The following SMARCC1 variants were observed in gnomAD, a reference collection of about 807,000 sequenced individuals.
SMARCC1 encodes the protein SWI/SNF related BAF chromatin remodeling complex subunit C1.
SMARCC1 carries 43 observed loss-of-function variants against 147.4 expected under a neutral mutation model. The ratio of observed to expected loss-of-function variants is 0.29; its 90% CI spans 0.23 to 0.38. The LOEUF (loss-of-function observed/expected upper bound fraction) is 0.38. SMARCC1 is among the 10% of genes least tolerant of loss of function. The pLI, the probability that SMARCC1 is intolerant of heterozygous loss-of-function variation, is 1.00. For synonymous variants in SMARCC1, 495 were observed against 484.4 expected, an observed-to-expected ratio of 1.02 and a Z score of -0.29; for missense variants, 1,119 against 1,381.1, an observed-to-expected ratio of 0.81 and a Z score of 3.01.
chr3:47,702,417 G>C (rs952121908), intron 10 of SMARCC1, among the ~76,000 whole-genome samples: 1 of 152,108 alleles, frequency 6.6e-6, no homozygotes, highest in African/African-American at 2.4e-5. Flanking sequence ...TGTAAGGACT[G>C]AAGGTCAGAG....
At chr3:47,705,972 AC>A (rs1291770181) in intron 10 of SMARCC1, among the ~76,000 whole-genome samples, 1 of 152,150 alleles carries the variant, frequency 6.6e-6, no homozygotes, top group Non-Finnish European at 1.5e-5. Flanking sequence ...GTAGCCCTGA[AC>A]CAGGCGTTGT....
intron 13 of SMARCC1, among the ~76,000 whole-genome samples, chr3:47,687,255 T>C (rs1337473396): frequency 6.6e-6 from 1 of 152,224 alleles, no homozygotes; most frequent in Non-Finnish European, 1.5e-5. Context: ...ACAAATTTTA[T>C]TTCCCAAATC....
intron 6 of SMARCC1, among the ~76,000 whole-genome samples, chr3:47,723,571 T>C (rs576670709): frequency 6.6e-6 from 1 of 152,092 alleles, no homozygotes; most frequent in African/African-American, 2.4e-5. Flanking sequence ...CCCAGCACTT[T>C]GGGAGGTCAA....
At chr3:47,696,152 C>T (rs201842157) in intron 11 of SMARCC1, among the ~76,000 whole-genome samples, 3 of 151,340 alleles carry the variant, frequency 2.0e-5, no homozygotes, top group Non-Finnish European at 2.9e-5. Flanking sequence ...GGGTGGATCA[C>T]CTGAGATCAG....
At chr3:47,730,921 T>C (rs1162436417) in intron 5 of SMARCC1, among the ~76,000 whole-genome samples, 1 of 152,108 alleles carries the variant, frequency 6.6e-6, no homozygotes, top group African/African-American at 2.4e-5. Context: ...ATCAGTCTTC[T>C]TGCTGCTGGA....
chr3:47,648,036 C>T (rs935508436), intron 21 of SMARCC1, among the ~76,000 whole-genome samples: 1 of 152,138 alleles, frequency 6.6e-6, no homozygotes, highest in African/African-American at 2.4e-5. Context: ...ACTCTGTTGC[C>T]CAGGCTGGAA....
At chr3:47,622,454 A>AGATT in intron 24 of SMARCC1, 113 bp from the exon 25 acceptor site, 1 of 980,532 alleles carries the variant, frequency 1.0e-6, no homozygotes, top group South Asian at 1.4e-5. Flanking sequence ...GGTACCCTAT[A>AGATT]TGTCTCCTTT....
At chr3:47,628,246 C>A (rs968005089) in intron 24 of SMARCC1, among the ~76,000 whole-genome samples, 3 of 152,136 alleles carry the variant, frequency 2.0e-5, no homozygotes, top group African/African-American at 7.2e-5. Context: ...TCAGGAATAA[C>A]TGCCTTTGCT....
Position 47,638,755 on chromosome 3 carries a change from T to C in SMARCC1, c.2346A>G (p.Glu782=), listed in dbSNP as rs1559631881. Residue 782 remains glutamate (E), a synonymous_variant, in exon 22 of 28, where the codon GAA becomes GAG. Transcript: ENST00000254480. The part of the protein sequence containing the change: ...KLEGAEEEKM[E]ADPDGQQPEK... ...CAGGCTGCTGACCATCAGGGTCGGC[T>C]TCCATTTTTTCCTCTTCAGCTCCTT... 10 of 1,613,502 alleles carry C rather than the reference T, an allele frequency of 6.2e-6. No individual in the cohort carries two copies. Among genetic ancestry groups the C allele is most frequent in the Non-Finnish European group, 7.6e-6 (9 of 1,179,380 alleles).
intron 11 of SMARCC1, among the ~76,000 whole-genome samples, chr3:47,697,621 GAAAA>G (rs71070212): frequency 7.6e-6 from 1 of 132,036 alleles, no homozygotes; most frequent in African/African-American, 2.8e-5. Context: ...ACTCTTAAGG[GAAAA>G]AAAAAAAAAA....
At chr3:47,604,503 T>A in intron 26 of SMARCC1, 1 of 363,188 alleles carries the variant, frequency 2.8e-6, no homozygotes, top group Non-Finnish European at 5.4e-6. Context: ...GACCTGCTCA[T>A]AGTTCTTACC....
At chr3:47,762,633 T>C (rs2034787610) in intron 2 of SMARCC1, among the ~76,000 whole-genome samples, 1 of 152,226 alleles carries the variant, frequency 6.6e-6, no homozygotes, top group African/African-American at 2.4e-5. Context: ...TAGAAAATGT[T>C]GAATGAGGCT....
At position 47,635,190 on chromosome 3, in the gene SMARCC1, C is replaced by T; in HGVS notation, c.2646G>A (p.Lys882=). 6.2e-7 allele frequency: 1 copy of T among 1,613,486 alleles called. No homozygotes were observed. Among genetic ancestry groups the T allele is most frequent in the Non-Finnish European group, 8.5e-7 (1 of 1,179,868 alleles). Residue 882 remains lysine, a splice_region_variant and synonymous_variant, in exon 24 of 28, where the codon AAG becomes AAA. Coordinates refer to ENST00000254480, the MANE Select transcript of SMARCC1 (RefSeq NM_003074.4). The part of the protein sequence containing the change: ...AALASAATKA[K]HLAAVEERKI... ...TGGAAAAGGGCTGTCAGGGGCAAAC[C>T]TTGGCTTTGGTAGCCGCTGAGGCAA...
Position 47,685,250 on chromosome 3 carries a change from G to GA in SMARCC1, c.1385+798dup, listed in dbSNP as rs1447326664. ...GTAGCATGTACAGTGTGTCTACATT[G>GA]AAAAAAAAGGATGATTCATACTCCT... On this transcript the variant is annotated intron_variant, in intron 14 of 27. Transcript: ENST00000254480. 2.6e-5 allele frequency among the ~76,000 whole-genome samples: 4 copies of GA among 151,232 alleles called. No individual in the cohort carries two copies. In the South Asian group the frequency reaches 6.3e-4, roughly 24 times the overall value.
intron 6 of SMARCC1, 124 bp from the exon 7 acceptor site, chr3:47,720,859 G>T (rs951932508): frequency 5.2e-6 from 4 of 771,656 alleles, no homozygotes; most frequent in Non-Finnish European, 8.6e-6. Flanking sequence ...CGAACATGCT[G>T]TTGCTGGTTT....
chr3:47,650,165 A>T (rs1576398846), intron 21 of SMARCC1, among the ~76,000 whole-genome samples: 1 of 151,614 alleles, frequency 6.6e-6, no homozygotes, highest in Non-Finnish European at 1.5e-5. Context: ...AGTCCCAGCT[A>T]CTTGGGAGGC....
intron 2 of SMARCC1, among the ~76,000 whole-genome samples, chr3:47,771,848 G>A (rs1250521592): frequency 2.0e-5 from 3 of 151,790 alleles, no homozygotes; most frequent in African/African-American, 7.3e-5. Flanking sequence ...TTGGGAGGCC[G>A]AGGTGGGTGG....
intron 5 of SMARCC1, 125 bp from the exon 6 acceptor site, chr3:47,729,219 ACTTG>A: frequency 1.6e-6 from 1 of 621,276 alleles, no homozygotes; most frequent in Non-Finnish European, 2.7e-6. Context: ...TATAAAAAAG[ACTTG>A]CTTCTTTTTA....
Position 47,657,388 on chromosome 3 carries a change from T to C in SMARCC1, c.2320+3906A>G, listed in dbSNP as rs185081274. ...ATTACCTTCTCTGATTACAACGAAA[T>C]GTAACTAAAAATCAGTAAAAGAAGA... On this transcript the variant is annotated intron_variant, in intron 21 of 27. Coordinates refer to ENST00000254480, the MANE Select transcript of SMARCC1 (RefSeq NM_003074.4). 4.7e-3 allele frequency among the ~76,000 whole-genome samples: 718 copies of C among 152,280 alleles called. 8 individuals are homozygous for C. Among genetic ancestry groups the C allele is most frequent in the Middle Eastern group, 6.8e-3 (2 of 294 alleles).
Sources: allele counts gnomAD v4.1 joint callset (sites outside exome capture counted in the v4.1 genomes callset), GRCh38; gene constraint gnomAD v4.1.1; transcripts MANE v1.5; gene names NCBI Gene and HGNC (gene_info 2026-07-23, HGNC 2026-07-21).